The following MTUS2 variants were observed in gnomAD, a reference collection of about 807,000 sequenced individuals.
The protein encoded by MTUS2 is microtubule-associated tumor suppressor candidate 2.
Under a neutral mutation model 114.1 loss-of-function variants are expected in MTUS2, and 40 were observed. The ratio of observed to expected loss-of-function variants is 0.35; its 90% CI spans 0.27 to 0.46. MTUS2 has a LOEUF of 0.46. MTUS2 is among the 20% of genes least tolerant of loss of function. The pLI is 1.00. For synonymous variants in MTUS2, 688 were observed against 672.0 expected (o/e 1.02, Z -0.37); for missense variants, 1,679 against 1,705.4 (o/e 0.98, Z 0.27).
At chr13:28,958,739 A>G (rs954795157) in intron 2 of MTUS2, among the ~76,000 whole-genome samples, 4 of 152,326 alleles carry the variant, frequency 2.6e-5, no homozygotes, top group East Asian at 1.9e-4. Flanking sequence ...TGCGCATCAC[A>G]TAGCAAACTC....
At chr13:28,821,912 G>A (rs752573839) in intron 1 of MTUS2, among the ~76,000 whole-genome samples, 4 of 152,304 alleles carry the variant, frequency 2.6e-5, no homozygotes, top group African/African-American at 9.6e-5. Flanking sequence ...ATTTTCCTGC[G>A]AAGAGTAGTT....
Position 29,359,274 on chromosome 13 carries a change from A to T in MTUS2, c.2918A>T (p.Gln973Leu). Residue 973 changes from glutamine to leucine, a missense_variant, in exon 8 of 16, where the codon CAG (glutamine) becomes CTG (leucine). Around this residue, in one of 3 missense-constraint regions of MTUS2, gnomAD observed 822 missense variants for 899.7 expected, o/e 0.91. Transcript: ENST00000612955. ...TKLHSPGYPK[Q>L]RTAAARNGFP... ...TTCTTTCTCACAGGATACCCAAAGCAGAGGACTGCGGCAGCTCGAAATGGG... is the reference window on the plus strand; with the variant it reads ...TTCTTTCTCACAGGATACCCAAAGCTGAGGACTGCGGCAGCTCGAAATGGG... 1 of 1,601,518 alleles carries T rather than the reference A, an allele frequency of 6.2e-7. No individual in the cohort carries two copies. Among genetic ancestry groups the T allele is most frequent in the South Asian group, 1.1e-5 (1 of 88,872 alleles).
chr13:29,503,179 G>A lies in MTUS2; in HGVS notation c.4083G>A (p.Pro1361=), dbSNP rs200623452. The change falls in exon 16 of 16, where the codon CCG becomes CCA. Residue 1361 remains proline, a synonymous_variant. Coordinates refer to ENST00000612955, the MANE Select transcript of MTUS2 (RefSeq NM_001033602.4). The part of the protein sequence containing the change: ...YRGSSSGPSS[P]ARVSTTPR ...GCTCCTCCTCGGGGCCCTCCTCTCC[G>A]GCCAGAGTCAGCACAACACCCAGAT... is the stretch of plus-strand genomic sequence containing the variant. 2 of 1,614,000 alleles carry A rather than the reference G, an allele frequency of 1.2e-6. No homozygotes were observed. The highest frequency in any genetic ancestry group is 2.2e-5 in the East Asian group (1 of 44,876).
chr13:29,450,581 T>C (rs886563918), intron 9 of MTUS2, among the ~76,000 whole-genome samples: 1 of 152,146 alleles, frequency 6.6e-6, no homozygotes, highest in Non-Finnish European at 1.5e-5. Context: ...AAAAAGAATG[T>C]ACGTTTTCTG....
chr13:29,171,876 C>G (rs1282038146), intron 5 of MTUS2, among the ~76,000 whole-genome samples: 4 of 152,252 alleles, frequency 2.6e-5, no homozygotes, highest in African/African-American at 7.2e-5. Flanking sequence ...GAGCTAGTTC[C>G]TTTTTCAAAT....
chr13:29,065,874 A>G (rs1888640951), intron 4 of MTUS2, among the ~76,000 whole-genome samples: 1 of 152,200 alleles, frequency 6.6e-6, no homozygotes, highest in Non-Finnish European at 1.5e-5. Context: ...AGCTCTTAGA[A>G]TAGGGCCTGG....
At position 29,038,454 on chromosome 13, in the gene MTUS2, T is replaced by C. The variant is rs562397022; in HGVS notation, c.2446+4329T>C. On this transcript the variant is annotated intron_variant, in intron 4 of 15. Transcript: ENST00000612955. ...TCACCCTCCAGATACCAGCCGGAGC[T>C]CTCCTGTATGAGGTGTCTGTCTGCC... Among the ~76,000 whole-genome samples, 13 of 152,262 alleles carry C rather than the reference T, an allele frequency of 8.5e-5. No homozygotes were observed. The South Asian group carries it at 2.7e-3, about 32-fold the overall frequency.
At chr13:29,326,028 T>C (rs1444719712) in intron 7 of MTUS2, among the ~76,000 whole-genome samples, 4 of 152,196 alleles carry the variant, frequency 2.6e-5, no homozygotes, top group Non-Finnish European at 5.9e-5. Flanking sequence ...GCCGTAAATG[T>C]GAAGGACAGG....
At chr13:29,281,451 A>C (rs539627184) in intron 5 of MTUS2, among the ~76,000 whole-genome samples, 1 of 139,838 alleles carries the variant, frequency 7.2e-6, no homozygotes, top group Non-Finnish European at 1.6e-5. Flanking sequence ...GTGTGTGTGC[A>C]TGCAGGCTGC....
intron 8 of MTUS2, among the ~76,000 whole-genome samples, chr13:29,389,815 A>G (rs1459689627): frequency 1.6e-5 from 1 of 63,336 alleles, no homozygotes; most frequent in African/African-American, 7.1e-5. Context: ...ATGTGTATAT[A>G]TACATACATA....
At chr13:29,041,526 C>G (rs1342141286) in intron 4 of MTUS2, among the ~76,000 whole-genome samples, 4 of 152,086 alleles carry the variant, frequency 2.6e-5, no homozygotes, top group Non-Finnish European at 5.9e-5. Flanking sequence ...TTGTAGATTG[C>G]TTTTGGCAGT....
intron 1 of MTUS2, among the ~76,000 whole-genome samples, chr13:28,826,272 C>T (rs986085616): frequency 6.6e-6 from 1 of 152,044 alleles, no homozygotes; most frequent in African/African-American, 2.4e-5. Flanking sequence ...ATTTAAAATA[C>T]ATGGTTAGAT....
intron 6 of MTUS2, among the ~76,000 whole-genome samples, chr13:29,303,153 C>A: frequency 6.6e-6 from 1 of 152,216 alleles, no homozygotes; most frequent in East Asian, 1.9e-4. Flanking sequence ...ATTCAAAGGT[C>A]AGCAACCTCA....
At position 29,503,188 on chromosome 13, in the gene MTUS2, C is replaced by T. The variant is rs774552797; in HGVS notation, c.4092C>T (p.Val1364=). Residue 1364 remains valine (V), a synonymous_variant, in exon 16 of 16, where the codon GTC becomes GTT. Coordinates refer to ENST00000612955, the MANE Select transcript of MTUS2 (RefSeq NM_001033602.4). The part of the protein sequence containing the change: ...SSSGPSSPAR[V]STTPR ...CGGGGCCCTCCTCTCCGGCCAGAGT[C>T]AGCACAACACCCAGATGACGCCACT... 1 of 1,614,034 alleles carries T rather than the reference C, an allele frequency of 6.2e-7. No homozygotes were observed. Among genetic ancestry groups the T allele is most frequent in the Non-Finnish European group, 8.5e-7 (1 of 1,180,046 alleles).
At chr13:29,172,287 C>A (rs9551608) in intron 5 of MTUS2, among the ~76,000 whole-genome samples, 13 of 152,062 alleles carry the variant, frequency 8.5e-5, no homozygotes, top group Admixed American at 3.3e-4. Flanking sequence ...TAACTTCCCC[C>A]TCAAACATGC....
chr13:29,259,379 G>A (rs910621072), intron 5 of MTUS2, among the ~76,000 whole-genome samples: 1 of 152,120 alleles, frequency 6.6e-6, no homozygotes, highest in Non-Finnish European at 1.5e-5. Flanking sequence ...TCAAGTTCAC[G>A]AGGGACTGAG....
intron 4 of MTUS2, among the ~76,000 whole-genome samples, chr13:29,090,634 G>GGCT (rs1299952446): frequency 6.6e-6 from 1 of 152,270 alleles, no homozygotes; most frequent in Admixed American, 6.5e-5. Flanking sequence ...GGGCATTTAA[G>GGCT]GCTGTACTGC....
At chr13:29,124,513 A>G (rs1463976661) in intron 5 of MTUS2, among the ~76,000 whole-genome samples, 1 of 152,192 alleles carries the variant, frequency 6.6e-6, no homozygotes, top group Non-Finnish European at 1.5e-5. Flanking sequence ...ACTATAGAAA[A>G]CAAGATGACA....
intron 4 of MTUS2, among the ~76,000 whole-genome samples, chr13:29,067,565 A>C (rs1888719419): frequency 6.6e-6 from 1 of 152,200 alleles, no homozygotes; most frequent in African/African-American, 2.4e-5. Context: ...TAGGTTGAGA[A>C]GTGAATGGAA....
Sources: allele counts gnomAD v4.1 joint callset (sites outside exome capture counted in the v4.1 genomes callset), GRCh38; gene constraint gnomAD v4.1.1; regional missense constraint gnomAD v4.1.1; transcripts MANE v1.5; gene names NCBI Gene and HGNC (gene_info 2026-07-23, HGNC 2026-07-21).